Variants in PPP4R3B observed in about 807,000 individuals in gnomAD.
PPP4R3B encodes protein phosphatase 4 regulatory subunit 3B, also known as serine/threonine-protein phosphatase 4 regulatory subunit 3B.
Under a neutral mutation model 95.4 loss-of-function variants are expected in PPP4R3B, and 52 were observed. The observed-to-expected ratio is 0.54, with a 90% CI of 0.44 to 0.69. The LOEUF is 0.69. PPP4R3B is among the 30% of genes least tolerant of loss of function. The pLI is 0.00. For synonymous variants in PPP4R3B, 407 were observed against 343.9 expected, an observed-to-expected ratio of 1.18 and a Z score of -2.03; for missense variants, 1,003 against 1,005.9, an observed-to-expected ratio of 1.00 and a Z score of 0.04.
chr2:55,589,978 T>C (rs1165715667), intron 4 of PPP4R3B, among the ~76,000 whole-genome samples: 1 of 144,358 alleles, frequency 6.9e-6, no homozygotes, highest in Non-Finnish European at 1.5e-5. Context: ...TTTATATATA[T>C]ATTTAATATA....
chr2:55,597,571 A>G (rs527246634), intron 4 of PPP4R3B, among the ~76,000 whole-genome samples: 3 of 152,154 alleles, frequency 2.0e-5, no homozygotes, highest in East Asian at 3.9e-4. Flanking sequence ...GCAGTGAGCC[A>G]AGATTGCGCC....
chr2:55,602,020 C>T (rs915964791), intron 3 of PPP4R3B, among the ~76,000 whole-genome samples: 1 of 152,134 alleles, frequency 6.6e-6, no homozygotes, highest in African/African-American at 2.4e-5. Context: ...AATCACTGGA[C>T]TGACAAAAAG....
intron 2 of PPP4R3B, among the ~76,000 whole-genome samples, chr2:55,605,766 C>T (rs987154402): frequency 2.0e-5 from 3 of 151,930 alleles, no homozygotes; most frequent in East Asian, 3.9e-4. Flanking sequence ...ATTAGCTGGG[C>T]GTGGTGGCGC....
At chr2:55,597,366 T>C (rs907999128) in intron 4 of PPP4R3B, among the ~76,000 whole-genome samples, 22 of 152,076 alleles carry the variant, frequency 1.4e-4, no homozygotes, top group Admixed American at 7.2e-4. Context: ...CTCACGCCTG[T>C]AATCCCAGCA....
At chr2:55,593,358 C>T (rs1362051661) in intron 4 of PPP4R3B, among the ~76,000 whole-genome samples, 1 of 152,108 alleles carries the variant, frequency 6.6e-6, no homozygotes, top group Non-Finnish European at 1.5e-5. Flanking sequence ...CATATAATTT[C>T]TCAGTTAATT....
chr2:55,557,253 C>G (rs927357220), intron 16 of PPP4R3B, among the ~76,000 whole-genome samples: 1 of 152,166 alleles, frequency 6.6e-6, no homozygotes, highest in Non-Finnish European at 1.5e-5. Context: ...AGTGCAGTGG[C>G]AAGATCATGG....
Position 55,577,318 on chromosome 2 carries a change from G to A in PPP4R3B, c.1603C>T (p.Pro535Ser). 1 of 1,547,594 alleles carries A rather than the reference G, an allele frequency of 6.5e-7. No individual in the cohort carries two copies. The highest frequency in any genetic ancestry group is 8.7e-7 in the Non-Finnish European group (1 of 1,153,446). ...TAAAGTATGAATTCATACTTACCGG[G>A]ACAAATTGTGTTGTTTTTGTTTGAT... is the stretch of plus-strand genomic sequence containing the variant. ...VGSNKNNTIC[P>S]DNYQTAQLLA... is the part of the protein sequence containing the mutation. Residue 535 changes from proline to serine, a missense_variant, in exon 11 of 17, where the codon CCC (proline) becomes TCC (serine). Around this residue, in one of 3 missense-constraint regions of PPP4R3B, gnomAD observed 695 missense variants for 686.2 expected, o/e 1.01. Transcript: ENST00000616407.
intron 11 of PPP4R3B, among the ~76,000 whole-genome samples, chr2:55,574,778 T>C (rs1251272578): frequency 2.7e-5 from 4 of 150,580 alleles, no homozygotes; most frequent in Admixed American, 6.6e-5. Context: ...GTATTTTTAG[T>C]AGAGATGAGG....
Position 55,547,805 on chromosome 2 carries a change from C to G in PPP4R3B, c.*2106G>C, listed in dbSNP as rs1684872604. 1.3e-5 allele frequency: 2 copies of G among 152,168 alleles called. No homozygotes were observed. The highest frequency in any genetic ancestry group is 4.1e-4 in the South Asian group (2 of 4,826). The allele number at this position is 152,168 out of a possible 1,614,324, so 9.4% of individuals were successfully genotyped here. On this transcript the variant is annotated 3_prime_UTR_variant, in exon 17 of 17. Transcript: ENST00000616407. ...GGCATGGTGACGGGCACCTGTAATC[C>G]CAGCTACTCAGGCTGAGGCAGAGAA...
intron 16 of PPP4R3B, among the ~76,000 whole-genome samples, chr2:55,555,341 G>T (rs1035934086): frequency 6.7e-6 from 1 of 149,732 alleles, no homozygotes; most frequent in South Asian, 2.1e-4. Flanking sequence ...AAATTGTCTT[G>T]GCACTCTTAT....
chr2:55,564,753 T>G lies in PPP4R3B; in HGVS notation c.2075+149A>C. The G allele has an allele frequency of 2.8e-5, 24 of 849,690 alleles. 2 individuals carry two copies. The South Asian group carries it at 4.1e-4, about 15-fold the overall frequency. The allele number at this position is 849,690 out of a possible 1,614,324, so 52.6% of individuals were successfully genotyped here. ...AATTCAACATATAAATGATATGGGG[T>G]AGGGGGGACGCCTTACCCTCCTATT... On this transcript the variant is annotated intron_variant, in intron 14 of 16. Transcript: ENST00000616407.
intron 12 of PPP4R3B, among the ~76,000 whole-genome samples, chr2:55,569,452 G>A (rs979723789): frequency 5.3e-5 from 8 of 152,156 alleles, no homozygotes; most frequent in South Asian, 2.1e-4. Context: ...CAGGGGTCAC[G>A]CTCCTAGTCC....
chr2:55,606,037 A>G (rs76661095), intron 2 of PPP4R3B, among the ~76,000 whole-genome samples: 1 of 152,086 alleles, frequency 6.6e-6, no homozygotes, highest in African/African-American at 2.4e-5. Flanking sequence ...TATAAAAAAA[A>G]GAAATAAATA....
chr2:55,555,317 T>C (rs1685713202), intron 16 of PPP4R3B, among the ~76,000 whole-genome samples: 2 of 150,366 alleles, frequency 1.3e-5, no homozygotes, highest in African/African-American at 2.4e-5. Context: ...AAAAAGAGTA[T>C]TCTTTCCCCC....
At chr2:55,590,232 C>G (rs1250866626) in intron 4 of PPP4R3B, among the ~76,000 whole-genome samples, 2 of 151,542 alleles carry the variant, frequency 1.3e-5, no homozygotes, top group African/African-American at 2.4e-5. Context: ...GAGGCTGAGG[C>G]AGGAGAATCG....
intron 4 of PPP4R3B, among the ~76,000 whole-genome samples, chr2:55,597,371 C>T (rs1168942751): frequency 2.0e-5 from 3 of 152,016 alleles, no homozygotes; most frequent in African/African-American, 2.4e-5. Context: ...GCCTGTAATC[C>T]CAGCACTTTG....
intron 12 of PPP4R3B, among the ~76,000 whole-genome samples, 178 bp downstream of exon 12, chr2:55,573,441 T>C (rs769470525): frequency 1.4e-4 from 21 of 152,210 alleles, no homozygotes; most frequent in African/African-American, 2.4e-4. Context: ...GTGAGCAATA[T>C]GTGGGTGGGA....
At chr2:55,584,187 C>T (rs145985689) in intron 7 of PPP4R3B, among the ~76,000 whole-genome samples, 53 of 152,200 alleles carry the variant, frequency 3.5e-4, no homozygotes, top group African/African-American at 1.2e-3. Flanking sequence ...TTATAATTAT[C>T]TCCTACTTAA....
intron 2 of PPP4R3B, among the ~76,000 whole-genome samples, chr2:55,605,740 T>C (rs925555493): frequency 5.9e-5 from 9 of 151,986 alleles, no homozygotes; most frequent in African/African-American, 1.7e-4. Flanking sequence ...ACCCCGTCTC[T>C]ACTAAAAATA....
Sources: allele counts gnomAD v4.1 joint callset (sites outside exome capture counted in the v4.1 genomes callset), GRCh38; gene constraint gnomAD v4.1.1; regional missense constraint gnomAD v4.1.1; transcripts MANE v1.5; gene names NCBI Gene and HGNC (gene_info 2026-07-23, HGNC 2026-07-21).